The following IGSF10 variants were observed in gnomAD, a reference collection of about 807,000 sequenced individuals.
IGSF10 encodes the protein immunoglobulin superfamily member 10, also known as calvaria mechanical force protein 608.
In IGSF10, 126 loss-of-function variants were observed where a neutral mutation model predicts 128.2. That is an observed-to-expected ratio of 0.98 (90% CI 0.85 to 1.14). IGSF10 has a LOEUF of 1.14. Among genes scored for constraint, IGSF10 ranks in the 50% most tolerant of loss-of-function variants. The pLI is 0.00. For missense variants in IGSF10, 3,295 were observed against 3,149.8 expected, an observed-to-expected ratio of 1.05 and a Z score of -1.10; for synonymous variants, 1,185 against 1,146.2, an observed-to-expected ratio of 1.03 and a Z score of -0.68.
At chr3:151,456,812 T>C (rs779125795) in intron 4 of IGSF10, among the ~76,000 whole-genome samples, 5 of 152,222 alleles carry the variant, frequency 3.3e-5, no homozygotes, top group Non-Finnish European at 7.3e-5. Context: ...TCTATTAGCT[T>C]GAGGTAGTAG....
chr3:151,438,424 A>C lies in IGSF10; in HGVS notation c.6137T>G (p.Phe2046Cys), dbSNP rs760972781. The C allele has an allele frequency of 8.1e-6, 13 of 1,614,100 alleles. No homozygotes were observed. The highest frequency in any genetic ancestry group is 1.0e-5 in the Non-Finnish European group (12 of 1,180,012). ...TTTCCCATGGAGCACTTGCTTTCTA[A>C]AATACTGCTTGTGGTCAATTTTGGC... Reference protein sequence around the residue: ...KPAKIDHKQYFRKQVLHGKDF... With the variant: ...KPAKIDHKQYCRKQVLHGKDF... Residue 2046 changes from phenylalanine (F) to cysteine (C), a missense_variant, in exon 8 of 8, where the codon TTT becomes TGT. Phe to Cys is a radical substitution (Grantham distance 205). Transcript: ENST00000282466.
the IGSF10 span, among the ~76,000 whole-genome samples, chr3:151,533,262 T>TC: frequency 6.6e-6 from 1 of 152,108 alleles, no homozygotes; most frequent in Non-Finnish European, 1.5e-5. Context: ...TTCAGTGCTA[T>TC]CCCCATCAAG....
At chr3:151,499,371 C>A in the IGSF10 span, among the ~76,000 whole-genome samples, 2 of 152,060 alleles carry the variant, frequency 1.3e-5, no homozygotes, top group Non-Finnish European at 2.9e-5. Context: ...ACGTTGTTTT[C>A]TGCAATAAAA....
At chr3:151,493,096 CAT>C in the IGSF10 span, among the ~76,000 whole-genome samples, 2 of 151,946 alleles carry the variant, frequency 1.3e-5, no homozygotes, top group African/African-American at 2.4e-5. Context: ...TGATTTCACT[CAT>C]GTGTAGAATA....
At chr3:151,613,747 T>G in the IGSF10 span, among the ~76,000 whole-genome samples, 1 of 152,182 alleles carries the variant, frequency 6.6e-6, no homozygotes, top group African/African-American at 2.4e-5. Flanking sequence ...GGCAATACCA[T>G]TCAGGACATA....
chr3:151,514,998 G>C, the IGSF10 span, among the ~76,000 whole-genome samples: 1 of 152,138 alleles, frequency 6.6e-6, no homozygotes, highest in Admixed American at 6.5e-5. Flanking sequence ...GGAGAAACAG[G>C]AACACTTTTA....
the IGSF10 span, among the ~76,000 whole-genome samples, chr3:151,547,722 A>G: frequency 6.6e-5 from 10 of 152,192 alleles, no homozygotes; most frequent in Non-Finnish European, 1.3e-4. Context: ...GAGCAAATCC[A>G]TCAGTAACTT....
chr3:151,461,601 C>T (rs544660519), upstream of IGSF10: 1 of 206,356 alleles, frequency 4.8e-6, no homozygotes, highest in South Asian at 1.7e-4. Flanking sequence ...TTTTGTGACA[C>T]GAGCAGCTAA....
At chr3:151,539,836 C>T in the IGSF10 span, among the ~76,000 whole-genome samples, 1 of 151,660 alleles carries the variant, frequency 6.6e-6, no homozygotes, top group Non-Finnish European at 1.5e-5. Flanking sequence ...TATCTATCAT[C>T]TATCTATCTG....
At chr3:151,586,733 A>G in the IGSF10 span, among the ~76,000 whole-genome samples, 1 of 152,198 alleles carries the variant, frequency 6.6e-6, no homozygotes. Context: ...CTTGATTCCA[A>G]ATGTTTTCTG....
chr3:151,475,681 A>C, the IGSF10 span: 1 of 152,196 alleles, frequency 6.6e-6, no homozygotes, highest in Non-Finnish European at 1.5e-5. Context: ...ACCATGAGGA[A>C]TCCCTGGAAT....
At chr3:151,606,892 G>A in the IGSF10 span, among the ~76,000 whole-genome samples, 1 of 152,134 alleles carries the variant, frequency 6.6e-6, no homozygotes, top group South Asian at 2.1e-4. Flanking sequence ...CCTTGACTAA[G>A]ACAGTTTGTT....
At chr3:151,504,942 T>C in the IGSF10 span, among the ~76,000 whole-genome samples, 1 of 152,220 alleles carries the variant, frequency 6.6e-6, no homozygotes, top group East Asian at 1.9e-4. Flanking sequence ...CATCAGCATT[T>C]TGGTCAAAGA....
chr3:151,443,780 A>C lies in IGSF10; in HGVS notation c.5167T>G (p.Cys1723Gly), dbSNP rs749618759. 1 of 1,614,200 alleles carries C rather than the reference A, an allele frequency of 6.2e-7. No individual in the cohort carries two copies. The highest frequency in any genetic ancestry group is 8.5e-7 in the Non-Finnish European group (1 of 1,180,024). The stretch of plus-strand genomic sequence containing the variant: ...GTGCCAAACAGATTGGATGCGGAAC[A>C]CAAGTACTGTCCGCGGTCCTGAATT... ...VEIQDRGQYL[C>G]SASNLFGTDH... The change falls in exon 7 of 8, where the codon TGT becomes GGT. Residue 1723 changes from cysteine (C) to glycine (G), a missense_variant. Coordinates refer to ENST00000282466, the MANE Select transcript of IGSF10 (RefSeq NM_178822.5).
the IGSF10 span, among the ~76,000 whole-genome samples, chr3:151,590,171 T>C: frequency 6.6e-6 from 1 of 152,066 alleles, no homozygotes; most frequent in Non-Finnish European, 1.5e-5. Context: ...CCCAAGTAGC[T>C]GTGACTACAG....
chr3:151,449,161 C>T lies in IGSF10; in HGVS notation c.820G>A (p.Ala274Thr). The T allele has an allele frequency of 1.2e-6, 2 of 1,614,184 alleles. No individual in the cohort carries two copies. Reference protein sequence around the residue: ...SKGKPLAMVSAAAFQCAKPTI... With the variant: ...SKGKPLAMVSTAAFQCAKPTI... ...GGCTTGGCACACTGGAAAGCTGCAG[C>T]TGAGACCATAGCTAACGGCTTGCCT... is the stretch of plus-strand genomic sequence containing the variant. Residue 274 changes from alanine to threonine, a missense_variant, in exon 6 of 8, where the codon GCT (alanine) becomes ACT (threonine). Ala to Thr is a moderately conservative substitution (Grantham distance 58, BLOSUM62 0). Coordinates refer to ENST00000282466, the MANE Select transcript of IGSF10 (RefSeq NM_178822.5).
chr3:151,469,775 G>T, the IGSF10 span, among the ~76,000 whole-genome samples: 2 of 152,172 alleles, frequency 1.3e-5, no homozygotes, highest in African/African-American at 2.4e-5. Flanking sequence ...AATTGTAGAA[G>T]ATTTAATTAA....
At chr3:151,586,390 G>C in the IGSF10 span, among the ~76,000 whole-genome samples, 7 of 151,820 alleles carry the variant, frequency 4.6e-5, no homozygotes, top group African/African-American at 1.7e-4. Flanking sequence ...ACCAACATTA[G>C]AAGAACCTAC....
the IGSF10 span, among the ~76,000 whole-genome samples, chr3:151,615,643 T>G: frequency 6.6e-6 from 1 of 152,026 alleles, no homozygotes; most frequent in Non-Finnish European, 1.5e-5. Flanking sequence ...TCAAATAAAC[T>G]ACAAAGGGAA....
Sources: gnomAD v4.1 joint callset for allele counts (sites outside exome capture counted in the v4.1 genomes callset) on GRCh38, gnomAD v4.1.1 for gene constraint, MANE v1.5 for transcripts, NCBI Gene and HGNC (gene_info 2026-07-23, HGNC 2026-07-21) for gene names.